Variants in RAD54B observed in about 807,000 individuals in gnomAD.
RAD54B encodes the protein RAD54 homolog B.
RAD54B carries 78 observed loss-of-function variants against 95.8 expected under a neutral mutation model. That is an observed-to-expected ratio of 0.81 (90% CI 0.68 to 0.98). The LOEUF (loss-of-function observed/expected upper bound fraction) is 0.98, where lower values mean the gene tolerates loss of function less well. Ranked by LOEUF, RAD54B falls within the 50% of genes least tolerant of loss-of-function variation. The pLI is 0.00. For synonymous variants in RAD54B, 328 were observed against 354.9 expected (o/e 0.92, Z 0.85); for missense variants, 957 against 1,056.6 (o/e 0.91, Z 1.31).
At chr8:94,467,151 G>A (rs1391038182) in intron 2 of RAD54B, among the ~76,000 whole-genome samples, 7 of 151,700 alleles carry the variant, frequency 4.6e-5, no homozygotes, top group African/African-American at 1.5e-4. Context: ...AGGTCTTGAC[G>A]TCCTTAGCTC....
At chr8:94,391,581 GAC>G (rs56252692) in intron 10 of RAD54B, 26 bp downstream of exon 10, 55,152 of 1,597,320 alleles carry the variant, frequency 0.035, 1,135 homozygotes, top group Non-Finnish European at 0.04. Flanking sequence ...TCATATCCCT[GAC>G]ACAGTTTCAG....
Position 94,380,206 on chromosome 8 carries a change from A to C in RAD54B, c.2186T>G (p.Leu729Arg). The C allele has an allele frequency of 1.2e-6, 2 of 1,613,412 alleles. No homozygotes were observed. The highest frequency in any genetic ancestry group is 1.7e-6 in the Non-Finnish European group (2 of 1,179,426). Residue 729 changes from leucine to arginine, a missense_variant, in exon 12 of 15, where the codon CTC (leucine) becomes CGC (arginine). Coordinates refer to ENST00000336148, the MANE Select transcript of RAD54B (RefSeq NM_012415.3). ...SSKAGGVGLNLIGGSHLILYD... is the reference protein window; with the variant it reads ...SSKAGGVGLNRIGGSHLILYD... ...GAGAATTAAGTGAGATCCTCCAATG[A>C]GGTTAAGTCCTACACCACCAGCTTT...
Position 94,387,104 on chromosome 8 carries a change from C to A in RAD54B, c.1865G>T (p.Gly622Val). ...DKNEEKSLYKGLLSVFPADYN... is the reference protein window; with the variant it reads ...DKNEEKSLYKVLLSVFPADYN... ...GTCAGCAGGAAACACACTTAGCAAG[C>A]CTTTGTATAGACTCTTTTCTTCATT... Residue 622 changes from glycine to valine, a missense_variant, in exon 11 of 15, where the codon GGC (glycine) becomes GTC (valine). Gly to Val is a moderately radical substitution (Grantham distance 109). Coordinates refer to ENST00000336148, the MANE Select transcript of RAD54B (RefSeq NM_012415.3). 1 of 1,611,012 alleles carries A rather than the reference C, an allele frequency of 6.2e-7. No individual in the cohort carries two copies. The highest frequency in any genetic ancestry group is 2.2e-5 in the East Asian group (1 of 44,718).
chr8:94,385,430 G>A (rs920465188), intron 11 of RAD54B, among the ~76,000 whole-genome samples: 4 of 151,836 alleles, frequency 2.6e-5, no homozygotes, highest in Non-Finnish European at 4.4e-5. Context: ...TCTTAAACTG[G>A]GTCACAATCT....
chr8:94,438,747 T>C (rs1035567759), intron 3 of RAD54B, among the ~76,000 whole-genome samples: 1 of 152,118 alleles, frequency 6.6e-6, no homozygotes, highest in East Asian at 1.9e-4. Flanking sequence ...ATCAGGGAAA[T>C]GTATACTAAA....
chr8:94,401,875 T>A (rs1388579434), intron 6 of RAD54B, among the ~76,000 whole-genome samples: 1 of 152,162 alleles, frequency 6.6e-6, no homozygotes, highest in East Asian at 1.9e-4. Context: ...ATTCATCCTT[T>A]CACGATAAAG....
chr8:94,455,028 A>G (rs1414492890), intron 3 of RAD54B, among the ~76,000 whole-genome samples: 1 of 152,132 alleles, frequency 6.6e-6, no homozygotes, highest in African/African-American at 2.4e-5. Flanking sequence ...CAAAAACACA[A>G]CAAAACTCTC....
At chr8:94,406,175 G>A (rs570773210) in intron 5 of RAD54B, among the ~76,000 whole-genome samples, 1 of 152,056 alleles carries the variant, frequency 6.6e-6, no homozygotes, top group Non-Finnish European at 1.5e-5. Flanking sequence ...TCTCTACGGT[G>A]GTTATTAGGA....
chr8:94,402,277 G>A (rs969748422), intron 6 of RAD54B, among the ~76,000 whole-genome samples: 1 of 149,040 alleles, frequency 6.7e-6, no homozygotes, highest in Admixed American at 6.7e-5. Flanking sequence ...CTCTCCAGAC[G>A]GAGTCTTGCT....
chr8:94,372,407 G>A lies in RAD54B; in HGVS notation c.2516-20C>T. ...AATCACCTGTAATAAGTAAAACAAT[G>A]AGAAAATCCTTAGGCAAGCCAATAT... On this transcript the variant is annotated intron_variant, in intron 14 of 14. Coordinates refer to ENST00000336148, the MANE Select transcript of RAD54B (RefSeq NM_012415.3). The A allele has an allele frequency of 1.2e-6, 2 of 1,607,896 alleles. No homozygotes were observed. The highest frequency in any genetic ancestry group is 1.7e-6 in the Non-Finnish European group (2 of 1,178,880).
In RAD54B at chr8:94,407,628, A is replaced by G; in HGVS notation, c.592T>C (p.Ser198Pro). ...CTGCCACTGCTGAAGTCATCTGGAG[A>G]GATTACACCCATGACTTCTATTTCT... ...GKEIEVMGVI[S>P]PDDFSSGRCF... is the part of the protein sequence containing the mutation. The change falls in exon 5 of 15, where the codon TCT (serine) becomes CCT (proline). Residue 198 changes from serine to proline, a missense_variant. Transcript: ENST00000336148. 6.2e-7 allele frequency: 1 copy of G among 1,614,022 alleles called. No homozygotes were observed. Among genetic ancestry groups the G allele is most frequent in the Non-Finnish European group, 8.5e-7 (1 of 1,179,954 alleles).
At chr8:94,422,641 T>TATATATATAC (rs1811848951) in intron 3 of RAD54B, among the ~76,000 whole-genome samples, 2 of 105,684 alleles carry the variant, frequency 1.9e-5, no homozygotes, top group Non-Finnish European at 3.7e-5. Flanking sequence ...TATATATATA[T>TATATATATAC]ATATATATAT....
intron 3 of RAD54B, among the ~76,000 whole-genome samples, chr8:94,453,337 T>C (rs1236103571): frequency 6.6e-6 from 1 of 152,148 alleles, no homozygotes; most frequent in Non-Finnish European, 1.5e-5. Flanking sequence ...AAAACCAGCC[T>C]GGCCAATATG....
intron 8 of RAD54B, among the ~76,000 whole-genome samples, chr8:94,397,536 T>C (rs557873130): frequency 2.2e-3 from 330 of 152,260 alleles, no homozygotes; most frequent in African/African-American, 7.3e-3. Context: ...TCTTGTTGAA[T>C]GAAATCCTAG....
intron 3 of RAD54B, among the ~76,000 whole-genome samples, chr8:94,424,132 T>C (rs1315682784): frequency 6.6e-6 from 1 of 152,222 alleles, no homozygotes; most frequent in Admixed American, 6.5e-5. Context: ...AAATTACTTA[T>C]AAGTAACTTT....
intron 4 of RAD54B, among the ~76,000 whole-genome samples, chr8:94,408,455 CA>C (rs1177486509): frequency 6.6e-6 from 1 of 151,986 alleles, no homozygotes; most frequent in Non-Finnish European, 1.5e-5. Flanking sequence ...GTTATTGTGC[CA>C]TTACCAAGCA....
At chr8:94,413,243 T>C (rs1456716691) in intron 3 of RAD54B, among the ~76,000 whole-genome samples, 1 of 152,192 alleles carries the variant, frequency 6.6e-6, no homozygotes, top group Non-Finnish European at 1.5e-5. Flanking sequence ...AAAAGTAACG[T>C]AGACTAACCA....
intron 3 of RAD54B, among the ~76,000 whole-genome samples, chr8:94,416,198 G>A (rs1159796569): frequency 1.3e-5 from 2 of 151,536 alleles, no homozygotes; most frequent in Admixed American, 6.6e-5. Flanking sequence ...AAAAAATGAT[G>A]AGTTCATGTC....
chr8:94,374,882 G>A (rs976907463), intron 14 of RAD54B, among the ~76,000 whole-genome samples: 5 of 152,264 alleles, frequency 3.3e-5, no homozygotes, highest in Admixed American at 2.6e-4. Context: ...ACAATATGAA[G>A]AGATGGTTCA....
Sources: gnomAD v4.1 joint callset for allele counts (sites outside exome capture counted in the v4.1 genomes callset) on GRCh38, gnomAD v4.1.1 for gene constraint, MANE v1.5 for transcripts, NCBI Gene and HGNC (gene_info 2026-07-23, HGNC 2026-07-21) for gene names.